Variants in RBM27 observed in about 807,000 individuals in gnomAD.
RBM27 encodes RNA-binding protein 27.
In RBM27, 22 loss-of-function variants were observed where a neutral mutation model predicts 135.3. The observed-to-expected ratio is 0.16, with a 90% CI of 0.12 to 0.23. The LOEUF (loss-of-function observed/expected upper bound fraction) is 0.23. RBM27 is among the 10% of genes least tolerant of loss of function. The pLI, the probability that RBM27 is intolerant of heterozygous loss-of-function variation, is 1.00. For synonymous variants in RBM27, 481 were observed against 442.4 expected (o/e 1.09, Z -1.10); for missense variants, 1,009 against 1,281.0 (o/e 0.79, Z 3.24).
intron 1 of RBM27, among the ~76,000 whole-genome samples, chr5:146,204,249 C>A (rs1170444899): frequency 6.6e-6 from 1 of 152,012 alleles, no homozygotes; most frequent in Non-Finnish European, 1.5e-5. Flanking sequence ...TATTCCGGGA[C>A]TGAAAGGTCT....
intron 9 of RBM27, among the ~76,000 whole-genome samples, chr5:146,252,843 T>C (rs1757954845): frequency 6.6e-6 from 1 of 152,166 alleles, no homozygotes; most frequent in Non-Finnish European, 1.5e-5. Flanking sequence ...CTGTCTTTAG[T>C]TGTCTTAAAG....
At chr5:146,265,283 A>G (rs893233307) in intron 14 of RBM27, among the ~76,000 whole-genome samples, 95 of 152,220 alleles carry the variant, frequency 6.2e-4, no homozygotes, top group African/African-American at 2.3e-3. Context: ...GAATATTTTT[A>G]TATGTACCAT....
At chr5:146,276,447 T>C (rs1759096815) in intron 19 of RBM27, among the ~76,000 whole-genome samples, 1 of 152,166 alleles carries the variant, frequency 6.6e-6, no homozygotes, top group Non-Finnish European at 1.5e-5. Flanking sequence ...GGCAAAAACC[T>C]CTAATGTCTC....
chr5:146,239,527 G>T (rs1196917409), intron 8 of RBM27, among the ~76,000 whole-genome samples: 1 of 136,992 alleles, frequency 7.3e-6, no homozygotes, highest in African/African-American at 2.9e-5. Context: ...ACCCAGGCTG[G>T]AGTACAGTGG....
At position 146,263,538 on chromosome 5, in the gene RBM27, T is replaced by C; in HGVS notation, c.2238T>C (p.Val746=). 1 of 1,614,168 alleles carries C rather than the reference T, an allele frequency of 6.2e-7. No individual in the cohort carries two copies. The highest frequency in any genetic ancestry group is 8.5e-7 in the Non-Finnish European group (1 of 1,180,014). Residue 746 remains valine (V), a synonymous_variant, in exon 14 of 21, where the codon GTT becomes GTC. Coordinates refer to ENST00000265271, the MANE Select transcript of RBM27 (RefSeq NM_018989.2). ...QTSGAYVLNK[V]PVKHRLGHAG... ...CAGGTGCATATGTTCTTAACAAAGT[T>C]CCTGTTAAACATCGTCTTGGACATG...
intron 14 of RBM27, 95 bp downstream of exon 14, chr5:146,263,726 C>T (rs1016666362): frequency 1.5e-5 from 21 of 1,394,844 alleles, no homozygotes; most frequent in Non-Finnish European, 2.0e-5. Flanking sequence ...ACAGTTGTGA[C>T]AGTTAACCTA....
In RBM27 at chr5:146,230,007, G is replaced by T. The variant is rs1000200744; in HGVS notation, c.589+97G>T. The T allele has an allele frequency of 2.9e-6, 4 of 1,365,680 alleles. No homozygotes were observed. The African/African-American group carries it at 4.4e-5, about 15-fold the overall frequency. The allele number at this position is 1,365,680 out of a possible 1,614,324, so 84.6% of individuals were successfully genotyped here. A position where few individuals can be genotyped will look rare whatever the true frequency, so the allele number is the denominator to read the frequency against. On this transcript the variant is annotated intron_variant, in intron 5 of 20. Coordinates refer to ENST00000265271, the MANE Select transcript of RBM27 (RefSeq NM_018989.2). ...TCTCTTAAAGTTGTACCTTTAATAT[G>T]TCTGAGCAGTGTAAAAACTGGAATT...
chr5:146,267,583 G>A, intron 14 of RBM27, 66 bp from the exon 15 acceptor site: 1 of 1,061,278 alleles, frequency 9.4e-7, no homozygotes, highest in Non-Finnish European at 1.4e-6. Flanking sequence ...TTCTAAAAAA[G>A]TATTCTAAGC....
chr5:146,223,188 C>T (rs1370954154), intron 2 of RBM27, among the ~76,000 whole-genome samples: 1 of 152,012 alleles, frequency 6.6e-6, no homozygotes, highest in East Asian at 1.9e-4. Flanking sequence ...GCTATTATAT[C>T]CTCCAACAAA....
chr5:146,279,637 A>G (rs58281516), intron 19 of RBM27, among the ~76,000 whole-genome samples: 4,373 of 151,608 alleles, frequency 0.029, 212 homozygotes, highest in African/African-American at 0.1. Context: ...GCAAAACCCT[A>G]TCTCAACAAA....
intron 2 of RBM27, among the ~76,000 whole-genome samples, chr5:146,220,820 A>G (rs1231307000): frequency 2.6e-5 from 4 of 152,194 alleles, no homozygotes; most frequent in Admixed American, 6.5e-5. Context: ...ATTAAAGATG[A>G]GTCTTGTGAA....
In RBM27 at chr5:146,261,832, G is replaced by T. The variant is rs757939292; in HGVS notation, c.2190+26G>T. On this transcript the variant is annotated intron_variant, in intron 13 of 20. Transcript: ENST00000265271. ...GTAATCTGGTTCACTGGGAATTAAAGGTCTTTTAGTTACACCCTCTAGATC... is the reference window on the plus strand; with the variant it reads ...GTAATCTGGTTCACTGGGAATTAAATGTCTTTTAGTTACACCCTCTAGATC... 47 of 1,612,530 alleles carry T rather than the reference G, an allele frequency of 2.9e-5. No homozygotes were observed. The Admixed American group carries it at 7.3e-4, about 25-fold the overall frequency.
rs1477838022 is a variant in RBM27 at position 146,289,166 on chromosome 5, A to AT, written c.*3139dup. The AT allele has an allele frequency of 6.6e-6, 1 of 152,130 alleles. No homozygotes were observed. 9.4% of individuals were successfully genotyped at this position (152,130 alleles called of 1,614,324 possible). ...AAGAAAAAAGATGAAAGTATTACAA[A>AT]TTTAAAAGAATTTGGAAAATTTATG... On this transcript the variant is annotated 3_prime_UTR_variant, in exon 21 of 21. Transcript: ENST00000265271.
At chr5:146,270,926 T>C in intron 17 of RBM27, 28 bp from the exon 18 acceptor site, 1 of 1,451,676 alleles carries the variant, frequency 6.9e-7, no homozygotes, top group Non-Finnish European at 9.6e-7. Flanking sequence ...ATCTAAAAAA[T>C]ACCTTTTTAT....
intron 10 of RBM27, among the ~76,000 whole-genome samples, chr5:146,257,637 A>G (rs1335249101): frequency 6.6e-6 from 1 of 152,226 alleles, no homozygotes; most frequent in African/African-American, 2.4e-5. Context: ...ACAGTCCTAT[A>G]TAAGCACAGT....
chr5:146,272,063 T>C (rs1758889089), intron 19 of RBM27, among the ~76,000 whole-genome samples: 1 of 152,256 alleles, frequency 6.6e-6, no homozygotes, highest in South Asian at 2.1e-4. Context: ...CACTTACTTT[T>C]AGGCAAACAT....
chr5:146,212,401 T>A (rs1295889164), intron 1 of RBM27, among the ~76,000 whole-genome samples: 1 of 151,830 alleles, frequency 6.6e-6, no homozygotes, highest in Non-Finnish European at 1.5e-5. Context: ...CAGGCTGGAG[T>A]GCAGTGGCAT....
intron 15 of RBM27, 118 bp from the exon 16 acceptor site, chr5:146,269,089 T>C: frequency 1.7e-6 from 1 of 595,054 alleles, no homozygotes; most frequent in Non-Finnish European, 3.0e-6. Context: ...GTTTCATCTA[T>C]GGTGTCAGCT....
chr5:146,284,007 GA>G (rs1759476872), intron 19 of RBM27, among the ~76,000 whole-genome samples: 1 of 152,072 alleles, frequency 6.6e-6, no homozygotes, highest in Non-Finnish European at 1.5e-5. Context: ...TCCCCTATTG[GA>G]ATTTGCTGGG....
Sources: allele counts gnomAD v4.1 joint callset (sites outside exome capture counted in the v4.1 genomes callset), GRCh38; gene constraint gnomAD v4.1.1; transcripts MANE v1.5; gene names NCBI Gene and HGNC (gene_info 2026-07-23, HGNC 2026-07-21).